Variants in GPC3 observed in about 807,000 individuals in gnomAD.
GPC3 encodes glypican-3.
In GPC3, 3 loss-of-function variants were observed where a neutral mutation model predicts 34.4. The observed-to-expected ratio is 0.09, with a 90% CI of 0.04 to 0.23. GPC3 has a LOEUF of 0.23. Ranked by LOEUF, GPC3 falls within the 10% of genes least tolerant of loss-of-function variation. GPC3 has a pLI of 1.00. For synonymous variants in GPC3, 177 were observed against 174.0 expected (o/e 1.02, Z -0.13); for missense variants, 351 against 445.6 (o/e 0.79, Z 1.91).
intron 2 of GPC3, among the ~76,000 whole-genome samples, chrX:133,912,703 T>G (rs1371379882): frequency 2.7e-5 from 3 of 110,976 alleles, no homozygotes; most frequent in African/African-American, 9.8e-5. Flanking sequence ...TGAGTTTCAA[T>G]TAATGTTAAG....
At chrX:133,629,405 T>C (rs2070342345) in intron 6 of GPC3, among the ~76,000 whole-genome samples, 1 of 111,331 alleles carries the variant, frequency 9.0e-6, no homozygotes, top group Non-Finnish European at 1.9e-5. Flanking sequence ...TGTTTGTTTG[T>C]TTGTTTTTGA....
At chrX:133,963,435 G>A (rs1214326184) in intron 1 of GPC3, among the ~76,000 whole-genome samples, 3 of 111,949 alleles carry the variant, frequency 2.7e-5, no homozygotes, top group Non-Finnish European at 5.6e-5. Flanking sequence ...TCTCAAGGTC[G>A]TTGTGAGAAT....
At chrX:133,895,756 C>T (rs1251953085) in intron 2 of GPC3, among the ~76,000 whole-genome samples, 1 of 111,217 alleles carries the variant, frequency 9.0e-6, no homozygotes, top group Non-Finnish European at 1.9e-5. Flanking sequence ...CACATAGACA[C>T]AGGCACACAC....
intron 2 of GPC3, among the ~76,000 whole-genome samples, chrX:133,766,822 A>G (rs1436301123): frequency 8.9e-6 from 1 of 112,449 alleles, no homozygotes; most frequent in African/African-American, 3.2e-5. Context: ...CAAATATTGC[A>G]GAGCACTTCA....
chrX:133,897,687 A>C (rs2076124451), intron 2 of GPC3, among the ~76,000 whole-genome samples: 1 of 111,151 alleles, frequency 9.0e-6, no homozygotes, highest in African/African-American at 3.3e-5. Flanking sequence ...TAGGCAAGTA[A>C]AATAACTTCT....
At chrX:133,635,771 T>C (rs2070415392) in intron 6 of GPC3, among the ~76,000 whole-genome samples, 1 of 108,852 alleles carries the variant, frequency 9.2e-6, no homozygotes, top group Non-Finnish European at 1.9e-5. Flanking sequence ...TCCTATGCTG[T>C]GAAATCAGGA....
At chrX:133,780,245 C>G (rs1394736301) in intron 2 of GPC3, among the ~76,000 whole-genome samples, 1 of 111,744 alleles carries the variant, frequency 8.9e-6, no homozygotes, top group Non-Finnish European at 1.9e-5. Context: ...AATATTACAG[C>G]TCGTTTCTCT....
At chrX:133,612,601 T>A (rs1319402101) in intron 6 of GPC3, among the ~76,000 whole-genome samples, 1 of 111,696 alleles carries the variant, frequency 9.0e-6, no homozygotes, top group Non-Finnish European at 1.9e-5. Context: ...GTCTGCCTAT[T>A]CACTCATCTA....
At chrX:133,926,804 C>T (rs2284126) in intron 2 of GPC3, among the ~76,000 whole-genome samples, 3,297 of 106,818 alleles carry the variant, frequency 0.031, 51 homozygotes, top group East Asian at 0.083. Context: ...GCCACCGCCC[C>T]GGCAAATCGG....
Position 133,671,254 on chromosome X carries a change from A to C in GPC3, c.1293-9404T>G, listed in dbSNP as rs1047091856. 1.7e-5 allele frequency: 18 copies of C among 1,061,148 alleles called. No individual in the cohort carries two copies. In the African/African-American group the frequency reaches 3.1e-4, roughly 18 times the overall value. The allele number at this position is 1,061,148 out of a possible 1,213,427, so 87.5% of individuals were successfully genotyped here. ...CAAAGAAAAATGAACCCAAACATAG[A>C]CTTGCAAGACATGGCCTGTATGAGA... On this transcript the variant is annotated intron_variant, in intron 5 of 7. Coordinates refer to ENST00000370818, the MANE Select transcript of GPC3 (RefSeq NM_004484.4).
Position 133,780,858 on chromosome X carries a change from C to T in GPC3, c.338-26682G>A, listed in dbSNP as rs199882927. Among the ~76,000 whole-genome samples, 3 of 111,073 alleles carry T rather than the reference C, an allele frequency of 2.7e-5. No homozygotes were observed. The East Asian group carries it at 8.5e-4, about 31-fold the overall frequency. ...TCAATAAAAACTTGCAAATAGGAGG[C>T]GCCAAAGGATTTCTGTTTAGTATCA... On this transcript the variant is annotated intron_variant, in intron 2 of 7. Coordinates refer to ENST00000370818, the MANE Select transcript of GPC3 (RefSeq NM_004484.4).
At chrX:133,611,589 T>A (rs17317371) in intron 6 of GPC3, among the ~76,000 whole-genome samples, 2,291 of 112,258 alleles carry the variant, frequency 0.02, 25 homozygotes, top group Middle Eastern at 0.032. Flanking sequence ...GCATTTGCAT[T>A]CAATTACACA....
chrX:133,884,087 G>A (rs1246237582), intron 2 of GPC3, among the ~76,000 whole-genome samples: 1 of 111,546 alleles, frequency 9.0e-6, no homozygotes, highest in Non-Finnish European at 1.9e-5. Flanking sequence ...TAAGTCTATA[G>A]TCCAGAGCTC....
chrX:133,663,866 C>T (rs1007774269), intron 5 of GPC3, among the ~76,000 whole-genome samples: 4 of 111,545 alleles, frequency 3.6e-5, no homozygotes, highest in South Asian at 3.8e-4. Context: ...GAGGCAATCT[C>T]GATGGAATGG....
At chrX:133,638,281 T>C (rs1603206096) in intron 6 of GPC3, among the ~76,000 whole-genome samples, 2 of 112,147 alleles carry the variant, frequency 1.8e-5, no homozygotes, top group South Asian at 7.5e-4. Context: ...CTGGAATTTA[T>C]GACCAGTTAA....
chrX:133,871,206 C>T (rs979997239), intron 2 of GPC3, among the ~76,000 whole-genome samples: 3 of 111,650 alleles, frequency 2.7e-5, no homozygotes, highest in African/African-American at 9.8e-5. Flanking sequence ...GTGATCATCC[C>T]ACAATCCTTA....
chrX:133,684,182 C>T (rs1485615884), intron 5 of GPC3, among the ~76,000 whole-genome samples: 2 of 111,944 alleles, frequency 1.8e-5, no homozygotes, highest in East Asian at 5.6e-4. Context: ...ATAGCAGTTC[C>T]CCAAATCGGA....
chrX:133,549,248 C>A (rs1473741297), intron 7 of GPC3, among the ~76,000 whole-genome samples: 4 of 111,603 alleles, frequency 3.6e-5, no homozygotes, highest in Non-Finnish European at 7.5e-5. Flanking sequence ...AATGCCTTAG[C>A]CACATAAGAG....
At chrX:133,737,541 C>G (rs968890015) in intron 3 of GPC3, among the ~76,000 whole-genome samples, 10 of 111,641 alleles carry the variant, frequency 9.0e-5, no homozygotes, top group African/African-American at 3.3e-4. Flanking sequence ...AGTCTATTAG[C>G]AAACAAACAA....
Sources: allele counts gnomAD v4.1 joint callset (sites outside exome capture counted in the v4.1 genomes callset), GRCh38; gene constraint gnomAD v4.1.1; transcripts MANE v1.5; gene names NCBI Gene and HGNC (gene_info 2026-07-23, HGNC 2026-07-21).